The following CA5A variants were observed in gnomAD, a reference collection of about 807,000 sequenced individuals.
CA5A encodes carbonic anhydrase 5A, also known as carbonic anhydrase 5A, mitochondrial.
Under a neutral mutation model 37.1 loss-of-function variants are expected in CA5A, and 28 were observed. The observed-to-expected ratio is 0.75, with a 90% CI of 0.56 to 1.03. The LOEUF (loss-of-function observed/expected upper bound fraction) is 1.03. CA5A is among the 50% of genes least tolerant of loss of function. CA5A has a pLI of 0.00. For missense variants in CA5A, 444 were observed against 399.9 expected, an observed-to-expected ratio of 1.11 and a Z score of -0.94; for synonymous variants, 171 against 158.4, an observed-to-expected ratio of 1.08 and a Z score of -0.60.
At position 87,915,907 on chromosome 16, in the gene CA5A, C is replaced by G. The variant is rs1289473515; in HGVS notation, c.340+10841G>C. Among the ~76,000 whole-genome samples, 3 of 151,676 alleles carry G rather than the reference C, an allele frequency of 2.0e-5. No individual in the cohort carries two copies. The East Asian group carries it at 5.8e-4, about 29-fold the overall frequency. On this transcript the variant is annotated intron_variant, in intron 2 of 6. Coordinates refer to ENST00000649794, the MANE Select transcript of CA5A (RefSeq NM_001739.2). The stretch of plus-strand genomic sequence containing the variant: ...TTTCATGCTGCTGATAAAGCCATAC[C>G]CGAGACTGGGTAATTTACAAAGAAA...
At chr16:87,901,844 C>T in intron 5 of CA5A, 68 bp downstream of exon 5, 1 of 1,387,850 alleles carries the variant, frequency 7.2e-7, no homozygotes, top group South Asian at 1.2e-5. Flanking sequence ...GCCTCAGCCT[C>T]CCAAAGTGCT....
chr16:87,881,914 A>G (rs996290289), exon 5 of CA5A: 7 of 152,180 alleles, frequency 4.6e-5, no homozygotes, highest in African/African-American at 1.7e-4. Context: ...CAGGAGACAA[A>G]GATGTTGGTG....
chr16:87,925,867 C>T (rs1335637326), intron 2 of CA5A, among the ~76,000 whole-genome samples: 3 of 150,956 alleles, frequency 2.0e-5, no homozygotes, highest in South Asian at 4.3e-4. Flanking sequence ...TCCTATTTAA[C>T]CCCTGCTCCC....
intron 2 of CA5A, among the ~76,000 whole-genome samples, chr16:87,918,878 C>A (rs1163986247): frequency 6.6e-6 from 1 of 152,118 alleles, no homozygotes; most frequent in Non-Finnish European, 1.5e-5. Flanking sequence ...GGACCGAGAA[C>A]CTGGAAAAAT....
intron 2 of CA5A, among the ~76,000 whole-genome samples, chr16:87,908,583 C>A (rs2055999749): frequency 1.3e-5 from 2 of 152,116 alleles, no homozygotes; most frequent in South Asian, 2.1e-4. Flanking sequence ...CCCACAAAAC[C>A]TAGTAGAAAA....
chr16:87,926,871 C>T lies in CA5A; in HGVS notation c.217G>A (p.Asp73Asn), dbSNP rs746847042. The T allele has an allele frequency of 3.1e-6, 5 of 1,612,680 alleles. No homozygotes were observed. The highest frequency in any genetic ancestry group is 4.2e-6 in the Non-Finnish European group (5 of 1,179,362). Residue 73 changes from aspartate to asparagine, a missense_variant, in exon 2 of 7, where the codon GAC (aspartate) becomes AAC (asparagine). Physicochemically the swap from Asp to Asn is conservative, Grantham distance 23. Transcript: ENST00000649794. ...TTCAGCTGGGGGTCATAGACGCTGT[C>T]CCTCCACTGGATGTTAATAGGAGAC... is the stretch of plus-strand genomic sequence containing the variant. ...RQSPINIQWR[D>N]SVYDPQLKPL...
chr16:87,912,020 G>A (rs1289284749), intron 2 of CA5A, among the ~76,000 whole-genome samples: 1 of 152,042 alleles, frequency 6.6e-6, no homozygotes, highest in Non-Finnish European at 1.5e-5. Flanking sequence ...TACTGTCATC[G>A]CCCAGGCACG....
At chr16:87,931,031 G>A (rs940924077) in intron 1 of CA5A, among the ~76,000 whole-genome samples, 6 of 151,654 alleles carry the variant, frequency 4.0e-5, no homozygotes, top group Admixed American at 1.3e-4. Flanking sequence ...GAGCCACTGC[G>A]CCCAGCCTGG....
intron 2 of CA5A, among the ~76,000 whole-genome samples, chr16:87,920,681 G>T (rs2056218062): frequency 6.6e-6 from 1 of 151,906 alleles, no homozygotes; most frequent in African/African-American, 2.4e-5. Context: ...GCAGTGGCGT[G>T]ATCTCGACTC....
At chr16:87,902,252 G>T (rs2055889374) in intron 4 of CA5A, among the ~76,000 whole-genome samples, 173 bp downstream of exon 4, 1 of 151,970 alleles carries the variant, frequency 6.6e-6, no homozygotes, top group African/African-American at 2.4e-5. Context: ...TACTGGGGAG[G>T]CTGAGGCAGG....
At chr16:87,897,017 C>T (rs547862511) in intron 5 of CA5A, among the ~76,000 whole-genome samples, 11 of 152,378 alleles carry the variant, frequency 7.2e-5, no homozygotes, top group African/African-American at 2.6e-4. Flanking sequence ...TCCGCCCTTG[C>T]TTTGTCCTCT....
Position 87,889,177 on chromosome 16 carries a change from C to A in CA5A, c.775-905G>T, listed in dbSNP as rs561335562. Among the ~76,000 whole-genome samples the A allele has an allele frequency of 3.9e-5, 6 of 152,162 alleles. No individual in the cohort carries two copies. In the South Asian group the frequency reaches 1.2e-3, roughly 32 times the overall value. ...CAGGTTATCCACCTGCCTCGGCCTC[C>A]CAAAGTACTGGGATTATAGGCGTTT... On this transcript the variant is annotated intron_variant, in intron 6 of 6. Coordinates refer to ENST00000649794, the MANE Select transcript of CA5A (RefSeq NM_001739.2).
intron 2 of CA5A, among the ~76,000 whole-genome samples, chr16:87,909,364 G>T (rs547710161): frequency 6.6e-6 from 1 of 152,308 alleles, no homozygotes; most frequent in African/African-American, 2.4e-5. Flanking sequence ...AGCACGCTCA[G>T]GGGAAAACCC....
intron 1 of CA5A, among the ~76,000 whole-genome samples, chr16:87,929,388 A>G (rs1485579499): frequency 2.1e-5 from 3 of 140,778 alleles, no homozygotes; most frequent in African/African-American, 8.0e-5. Context: ...GGAGGCGGAG[A>G]TTGCAGTGAG....
intron 2 of CA5A, among the ~76,000 whole-genome samples, chr16:87,915,915 G>A (rs1430094063): frequency 6.6e-6 from 1 of 151,938 alleles, no homozygotes; most frequent in Non-Finnish European, 1.5e-5. Context: ...ACCCGAGACT[G>A]GGTAATTTAC....
intron 2 of CA5A, among the ~76,000 whole-genome samples, chr16:87,908,877 G>A (rs747150759): frequency 1.3e-5 from 2 of 151,936 alleles, no homozygotes; most frequent in African/African-American, 4.8e-5. Flanking sequence ...ATGCGGTGGC[G>A]TGATCTCAGC....
At chr16:87,897,972 G>A (rs1226467127) in intron 5 of CA5A, among the ~76,000 whole-genome samples, 3 of 152,184 alleles carry the variant, frequency 2.0e-5, no homozygotes, top group Admixed American at 1.3e-4. Context: ...ACAGGATGCC[G>A]CAGGAGCAGT....
intron 5 of CA5A, chr16:87,893,839 C>T (rs2055761914): frequency 3.2e-6 from 1 of 308,494 alleles, no homozygotes; most frequent in Non-Finnish European, 6.3e-6. Flanking sequence ...ATGATGCCAT[C>T]ATAGCTCACT....
In CA5A at chr16:87,927,515, G is replaced by A. The variant is rs547181392; in HGVS notation, c.143-570C>T. ...CAGCCCCTCTACCTACTTCCTCGAGGCTCATTTCAAACTGCTTTGATTGTC... is the reference window on the plus strand; with the variant it reads ...CAGCCCCTCTACCTACTTCCTCGAGACTCATTTCAAACTGCTTTGATTGTC... On this transcript the variant is annotated intron_variant, in intron 1 of 6. Coordinates refer to ENST00000649794, the MANE Select transcript of CA5A (RefSeq NM_001739.2). Among the ~76,000 whole-genome samples, 5 of 152,230 alleles carry A rather than the reference G, an allele frequency of 3.3e-5. No homozygotes were observed. The East Asian group carries it at 9.7e-4, about 29-fold the overall frequency.
Sources: allele counts gnomAD v4.1 joint callset (sites outside exome capture counted in the v4.1 genomes callset), GRCh38; gene constraint gnomAD v4.1.1; transcripts MANE v1.5; gene names NCBI Gene and HGNC (gene_info 2026-07-23, HGNC 2026-07-21).